The following MALRD1 variants were observed in gnomAD, a reference collection of about 807,000 sequenced individuals.
MALRD1 encodes MAM and LDL-receptor class A domain-containing protein 1.
In MALRD1, 247 loss-of-function variants were observed where a neutral mutation model predicts 242.1. The observed-to-expected ratio is 1.02, with a 90% CI of 0.92 to 1.13. MALRD1 has a LOEUF of 1.13. Among genes scored for constraint, MALRD1 ranks in the 50% most tolerant of loss-of-function variants. MALRD1 has a pLI of 0.00. For missense variants in MALRD1, 2,989 were observed against 2,533.1 expected, an observed-to-expected ratio of 1.18 and a Z score of -3.86; for synonymous variants, 995 against 866.6, an observed-to-expected ratio of 1.15 and a Z score of -2.60.
chr10:19,349,145 G>A (rs900570292), intron 25 of MALRD1, among the ~76,000 whole-genome samples: 1 of 152,058 alleles, frequency 6.6e-6, no homozygotes, highest in African/African-American at 2.4e-5. Flanking sequence ...ATTTTTAGTA[G>A]CGATGAGGTT....
intron 36 of MALRD1, among the ~76,000 whole-genome samples, chr10:19,655,433 G>C (rs1452435599): frequency 6.7e-6 from 1 of 149,888 alleles, no homozygotes; most frequent in African/African-American, 2.5e-5. Flanking sequence ...TTGATTTGAA[G>C]ATATTCTTGA....
intron 28 of MALRD1, among the ~76,000 whole-genome samples, chr10:19,396,289 A>C (rs928921257): frequency 6.6e-6 from 1 of 151,842 alleles, no homozygotes; most frequent in Admixed American, 6.6e-5. Context: ...GGTGCACGCC[A>C]CCACGCCTGG....
chr10:19,120,218 A>T (rs185937660), intron 5 of MALRD1, among the ~76,000 whole-genome samples: 36 of 152,170 alleles, frequency 2.4e-4, no homozygotes, highest in Middle Eastern at 6.8e-3. Flanking sequence ...CACAAGAGAG[A>T]CTGAGAAAAA....
intron 30 of MALRD1, among the ~76,000 whole-genome samples, chr10:19,496,103 C>G (rs568310251): frequency 6.6e-6 from 1 of 152,136 alleles, no homozygotes; most frequent in Non-Finnish European, 1.5e-5. Context: ...GAGACTTAGA[C>G]TCCCAAACAA....
rs1428324910 is a variant in MALRD1, at chr10:19,060,757, A to T, written c.200-5962A>T. Among the ~76,000 whole-genome samples, 3 of 152,202 alleles carry T rather than the reference A, an allele frequency of 2.0e-5. 1 individual carries two copies. Among genetic ancestry groups the T allele is most frequent in the Admixed American group, 2.0e-4 (3 of 15,276 alleles). On this transcript the variant is annotated intron_variant, in intron 1 of 39. Transcript: ENST00000454679. Reference sequence around the variant, plus strand: ...AGAGTAGAAGGTGAAGAAAAAAGAAAAACACTGTTTTTAAGATTTCAAGGT... The same window carrying T: ...AGAGTAGAAGGTGAAGAAAAAAGAATAACACTGTTTTTAAGATTTCAAGGT...
chr10:19,509,109 C>T (rs1021421300), intron 31 of MALRD1, among the ~76,000 whole-genome samples: 1 of 152,058 alleles, frequency 6.6e-6, no homozygotes, highest in Admixed American at 6.6e-5. Flanking sequence ...TATATATTAA[C>T]AAAGTATATC....
At chr10:19,386,501 A>G (rs1429336992) in intron 26 of MALRD1, among the ~76,000 whole-genome samples, 2 of 152,136 alleles carry the variant, frequency 1.3e-5, no homozygotes, top group South Asian at 2.1e-4. Flanking sequence ...AACTTTTTCT[A>G]TTGAAATATT....
chr10:19,275,781 G>A (rs945319379), intron 19 of MALRD1, among the ~76,000 whole-genome samples: 2 of 152,192 alleles, frequency 1.3e-5, no homozygotes, highest in Admixed American at 6.5e-5. Flanking sequence ...AGTCAGTGAA[G>A]AACATCATAT....
At chr10:19,107,775 C>G (rs1836521019) in intron 5 of MALRD1, among the ~76,000 whole-genome samples, 1 of 148,886 alleles carries the variant, frequency 6.7e-6, no homozygotes, top group Non-Finnish European at 1.5e-5. Context: ...TGATTCTTTT[C>G]TATTTCTCAT....
In MALRD1 at chr10:19,722,240, A is replaced by G. The variant is rs1589444175; in HGVS notation, c.6315-8466A>G. The G allele has an allele frequency of 2.0e-5, 3 of 152,294 alleles. 1 individual carries two copies. Among genetic ancestry groups the G allele is most frequent in the Admixed American group, 2.0e-4 (3 of 15,284 alleles). 9.4% of individuals were successfully genotyped at this position (152,294 alleles called of 1,614,324 possible). A position where few individuals can be genotyped will look rare whatever the true frequency, so the allele number is the denominator to read the frequency against. ...AGTTGCTCCATCTGTAATAGAAGAC[A>G]GAGACAAGATGATTGCAAGGGTTCC... On this transcript the variant is annotated intron_variant, in intron 38 of 39. Coordinates refer to ENST00000454679, the MANE Select transcript of MALRD1 (RefSeq NM_001142308.3).
At chr10:19,376,548 T>A (rs1458465750) in intron 26 of MALRD1, among the ~76,000 whole-genome samples, 9 of 123,486 alleles carry the variant, frequency 7.3e-5, no homozygotes, top group African/African-American at 3.0e-4. Context: ...CATTCTTTTT[T>A]TTTTTTTTTT....
At chr10:19,125,573 A>G (rs1241667542) in intron 7 of MALRD1, among the ~76,000 whole-genome samples, 1 of 147,892 alleles carries the variant, frequency 6.8e-6, no homozygotes, top group East Asian at 2.0e-4. Flanking sequence ...GAGTATTGTT[A>G]CATTTTTATT....
chr10:19,529,585 T>G (rs1406227433), intron 31 of MALRD1, among the ~76,000 whole-genome samples: 1 of 151,088 alleles, frequency 6.6e-6, no homozygotes, highest in Non-Finnish European at 1.5e-5. Flanking sequence ...TATTAGAGTA[T>G]TGAATACAAA....
intron 14 of MALRD1, among the ~76,000 whole-genome samples, chr10:19,192,824 C>A (rs1836053859): frequency 1.3e-5 from 2 of 152,146 alleles, no homozygotes; most frequent in African/African-American, 4.8e-5. Context: ...AATGCACTGG[C>A]AGTTACTTTC....
At chr10:19,372,189 A>C (rs2130751188) in intron 26 of MALRD1, among the ~76,000 whole-genome samples, 1 of 152,342 alleles carries the variant, frequency 6.6e-6, no homozygotes, top group Non-Finnish European at 1.5e-5. Flanking sequence ...ATATTTATAT[A>C]GTTATAGTAA....
intron 18 of MALRD1, 111 bp from the exon 19 acceptor site, chr10:19,257,573 A>G (rs1028895873): frequency 2.4e-6 from 2 of 835,902 alleles, no homozygotes; most frequent in Non-Finnish European, 3.6e-6. Context: ...TTAATGGCAC[A>G]GAAGGTTATA....
chr10:19,665,511 G>T (rs1017305734), intron 36 of MALRD1, among the ~76,000 whole-genome samples: 7 of 151,950 alleles, frequency 4.6e-5, no homozygotes, highest in Non-Finnish European at 8.8e-5. Flanking sequence ...ATTCTCTGTG[G>T]TTTTTTTCTC....
chr10:19,366,529 C>G (rs1845118487), intron 26 of MALRD1, among the ~76,000 whole-genome samples: 1 of 152,068 alleles, frequency 6.6e-6, no homozygotes, highest in Middle Eastern at 3.2e-3. Flanking sequence ...TTGGAGACCC[C>G]TTTTCTAGCA....
chr10:19,168,407 C>T (rs1430616669), intron 13 of MALRD1, among the ~76,000 whole-genome samples: 1 of 152,110 alleles, frequency 6.6e-6, no homozygotes. Flanking sequence ...CCAAGAAGAT[C>T]GTTCAGAGTT....
Sources: allele counts gnomAD v4.1 joint callset (sites outside exome capture counted in the v4.1 genomes callset), GRCh38; gene constraint gnomAD v4.1.1; transcripts MANE v1.5; gene names NCBI Gene and HGNC (gene_info 2026-07-23, HGNC 2026-07-21).